The following SAFB2 variants were observed in gnomAD, a reference collection of about 807,000 sequenced individuals.
The protein encoded by SAFB2 is scaffold attachment factor B2.
In SAFB2, 32 loss-of-function variants were observed where a neutral mutation model predicts 100.6. That is an observed-to-expected ratio of 0.32 (90% CI 0.24 to 0.43). The LOEUF is 0.43. SAFB2 is among the 20% of genes least tolerant of loss of function. The probability of loss-of-function intolerance (pLI) is 1.00; values close to 1 mark genes in which losing one functional copy is unlikely to be tolerated. For synonymous variants in SAFB2, 500 were observed against 439.4 expected (o/e 1.14, Z -1.72); for missense variants, 1,185 against 1,163.4 (o/e 1.02, Z -0.27).
At chr19:5,604,960 C>T in intron 9 of SAFB2, 24 bp from the exon 10 acceptor site, 1 of 1,607,524 alleles carries the variant, frequency 6.2e-7, no homozygotes, top group Non-Finnish European at 8.5e-7. Flanking sequence ...GGCACTCTTA[C>T]TCTCTCATAC....
chr19:5,622,523 G>A lies in SAFB2; in HGVS notation c.186+7C>T. 1 of 1,599,822 alleles carries A rather than the reference G, an allele frequency of 6.3e-7. No individual in the cohort carries two copies. The highest frequency in any genetic ancestry group is 1.3e-5 in the African/African-American group (1 of 74,436). On this transcript the variant is annotated splice_region_variant and intron_variant, in intron 1 of 20. Coordinates refer to ENST00000252542, the MANE Select transcript of SAFB2 (RefSeq NM_014649.3). ...CTGCGCCACCCCCGAGCCCCGCGCC[G>A]CCTCACCTTCTTGAGCCGCTCCATC...
chr19:5,592,100 C>T (rs918614688), intron 16 of SAFB2, among the ~76,000 whole-genome samples: 1 of 152,126 alleles, frequency 6.6e-6, no homozygotes, highest in African/African-American at 2.4e-5. Flanking sequence ...TGACCCAATG[C>T]GTGGGACTCA....
chr19:5,608,408 C>T (rs1201599321), intron 9 of SAFB2, among the ~76,000 whole-genome samples: 1 of 152,228 alleles, frequency 6.6e-6, no homozygotes, highest in Non-Finnish European at 1.5e-5. Context: ...TCTGCTTAAT[C>T]ATCAGTGTCC....
At chr19:5,600,369 A>C in intron 11 of SAFB2, 109 bp from the exon 12 acceptor site, 1 of 1,434,068 alleles carries the variant, frequency 7.0e-7, no homozygotes, top group South Asian at 1.4e-5. Context: ...AAAACAAATC[A>C]CCCCGGCAGC....
Position 5,587,618 on chromosome 19 carries a change from G to A in SAFB2, c.2705+83C>T. 1 of 1,473,282 alleles carries A rather than the reference G, an allele frequency of 6.8e-7. No homozygotes were observed. The highest frequency in any genetic ancestry group is 1.4e-5 in the African/African-American group (1 of 70,190). 91.3% of individuals were successfully genotyped at this position (1,473,282 alleles called of 1,614,324 possible). On this transcript the variant is annotated intron_variant, in intron 20 of 20. Coordinates refer to ENST00000252542, the MANE Select transcript of SAFB2 (RefSeq NM_014649.3). This position sits in a 1 kb window ranked among gnomAD's most constrained non-coding sequence, Gnocchi z 4.9. Reference sequence around the variant, plus strand: ...CTTTGTTTTCATAACATCCAACCCAGCCAGCTGATCAAACATGCAAAAAAG... The same window carrying A: ...CTTTGTTTTCATAACATCCAACCCAACCAGCTGATCAAACATGCAAAAAAG...
chr19:5,604,360 C>G (rs1423683914), intron 11 of SAFB2, among the ~76,000 whole-genome samples: 7 of 152,090 alleles, frequency 4.6e-5, no homozygotes. Flanking sequence ...CCACTGCACT[C>G]CAGCCTAGGC....
chr19:5,620,659 G>C (rs2145366363), intron 2 of SAFB2, among the ~76,000 whole-genome samples: 1 of 152,358 alleles, frequency 6.6e-6, no homozygotes, highest in South Asian at 2.1e-4. Context: ...GTAGTTGCCA[G>C]GGGCTGGAGG....
At chr19:5,620,046 T>C (rs999275465) in intron 2 of SAFB2, among the ~76,000 whole-genome samples, 2 of 152,222 alleles carry the variant, frequency 1.3e-5, no homozygotes, top group South Asian at 2.1e-4. Context: ...AGATAAACTA[T>C]ATTTCCTGCG....
intron 2 of SAFB2, among the ~76,000 whole-genome samples, chr19:5,620,077 T>C (rs974351548): frequency 1.3e-5 from 2 of 152,212 alleles, no homozygotes; most frequent in African/African-American, 4.8e-5. Flanking sequence ...TCTCACATTC[T>C]GAATGTGCTC....
rs4807801 is a variant in SAFB2 at position 5,618,413 on chromosome 19, C to T, written c.275-1927G>A. 8.4e-3 allele frequency among the ~76,000 whole-genome samples: 1,277 copies of T among 152,226 alleles called. 12 individuals are homozygous for T. The highest frequency in any genetic ancestry group is 0.013 in the South Asian group (62 of 4,820). On this transcript the variant is annotated intron_variant, in intron 2 of 20. Coordinates refer to ENST00000252542, the MANE Select transcript of SAFB2 (RefSeq NM_014649.3). ...TAAAAAACCTGCAGGGTCTACACCT[C>T]AAGAGTCTCACTCACCACTATTATC...
chr19:5,622,124 A>G (rs888783526), intron 1 of SAFB2, among the ~76,000 whole-genome samples: 1 of 152,340 alleles, frequency 6.6e-6, no homozygotes, highest in African/African-American at 2.4e-5. Context: ...GGCAAGAACA[A>G]GCACCGCCCC....
intron 4 of SAFB2, 106 bp downstream of exon 4, chr19:5,616,024 CTG>C: frequency 1.0e-6 from 1 of 983,408 alleles, no homozygotes; most frequent in Non-Finnish European, 1.6e-6. Context: ...AGAAGCAGAA[CTG>C]TGTGTTCATG....
intron 6 of SAFB2, 178 bp downstream of exon 6, chr19:5,612,362 G>T: frequency 1.6e-6 from 1 of 635,870 alleles, no homozygotes; most frequent in African/African-American, 1.8e-5. Flanking sequence ...AAGCCAGAAT[G>T]GCTCTTCCAC....
Position 5,599,880 on chromosome 19 carries a change from G to A in SAFB2, c.1690+250C>T, listed in dbSNP as rs563238370. Among the ~76,000 whole-genome samples the A allele has an allele frequency of 2.0e-5, 3 of 152,260 alleles. No homozygotes were observed. The East Asian group carries it at 5.8e-4, about 29-fold the overall frequency. On this transcript the variant is annotated intron_variant, in intron 12 of 20. Coordinates refer to ENST00000252542, the MANE Select transcript of SAFB2 (RefSeq NM_014649.3). ...ACAATCAGCCAAAGGCCCTGAAAAA[G>A]CCCAAACTCAGGCAGCTGAGTTCAG...
At chr19:5,622,449 G>C in intron 1 of SAFB2, 81 bp downstream of exon 1, 2 of 1,379,910 alleles carry the variant, frequency 1.4e-6, no homozygotes, top group Non-Finnish European at 1.9e-6. Context: ...GGGCGCCCCG[G>C]GTCCGGGAGC....
chr19:5,587,088 TAAA>T lies in SAFB2; in HGVS notation c.*152_*154del, dbSNP rs761417725. 143 of 790,792 alleles carry T rather than the reference TAAA, an allele frequency of 1.8e-4. No homozygotes were observed. Among genetic ancestry groups the T allele is most frequent in the Middle Eastern group, 4.1e-4 (1 of 2,416 alleles). 49.0% of individuals were successfully genotyped at this position (790,792 alleles called of 1,614,324 possible). A position where few individuals can be genotyped will look rare whatever the true frequency, so the allele number is the denominator to read the frequency against. On this transcript the variant is annotated 3_prime_UTR_variant, in exon 21 of 21. Transcript: ENST00000252542. The surrounding 1 kb of genome is among the most constrained non-coding windows in gnomAD (Gnocchi z 4.9). ...ATGGCAGAACAAGAACACATTTATT[TAAA>T]AAAAAAAAAAAAGTGAGTTCACATT... is the stretch of plus-strand genomic sequence containing the variant.
intron 11 of SAFB2, among the ~76,000 whole-genome samples, chr19:5,604,329 C>T (rs148684292): frequency 3.5e-4 from 53 of 152,256 alleles, no homozygotes; most frequent in African/African-American, 1.1e-3. Flanking sequence ...CACTTGAACC[C>T]GGAAGGTGGA....
intron 9 of SAFB2, among the ~76,000 whole-genome samples, chr19:5,608,983 C>T (rs890172772): frequency 1.8e-4 from 24 of 133,436 alleles, no homozygotes; most frequent in Admixed American, 5.2e-4. Flanking sequence ...GGGAGGGAGG[C>T]GGAGGCTGCA....
chr19:5,617,366 T>A (rs1405687481), intron 2 of SAFB2, among the ~76,000 whole-genome samples: 1 of 152,142 alleles, frequency 6.6e-6, no homozygotes, highest in Non-Finnish European at 1.5e-5. Context: ...GATAGAATTC[T>A]GCTAGGAATT....
Sources: gnomAD v4.1 joint callset for allele counts (sites outside exome capture counted in the v4.1 genomes callset) on GRCh38, gnomAD v4.1.1 for gene constraint, Gnocchi (gnomAD v3.1) non-coding constraint, MANE v1.5 for transcripts, NCBI Gene and HGNC (gene_info 2026-07-23, HGNC 2026-07-21) for gene names.